RIMS2: variants seen among roughly 807,000 people sequenced by gnomAD.
The protein encoded by RIMS2 is regulating synaptic membrane exocytosis protein 2.
In RIMS2, 59 loss-of-function variants were observed where a neutral mutation model predicts 174.4. The observed-to-expected ratio is 0.34, with a 90% CI of 0.27 to 0.42. The LOEUF is 0.42. Among genes scored for constraint, RIMS2 ranks in the 10% least tolerant of loss-of-function variants. The pLI, the probability that RIMS2 is intolerant of heterozygous loss-of-function variation, is 1.00. For synonymous variants in RIMS2, 606 were observed against 572.5 expected, an observed-to-expected ratio of 1.06 and a Z score of -0.84; for missense variants, 1,620 against 1,666.3, an observed-to-expected ratio of 0.97 and a Z score of 0.48.
chr8:104,099,756 C>T (rs1221022804), intron 19 of RIMS2, among the ~76,000 whole-genome samples: 1 of 151,750 alleles, frequency 6.6e-6, no homozygotes, highest in African/African-American at 2.4e-5. Context: ...AATGTTGTTC[C>T]ATTTATTTTT....
At chr8:104,115,881 T>C (rs1047709316) in intron 19 of RIMS2, among the ~76,000 whole-genome samples, 1 of 152,172 alleles carries the variant, frequency 6.6e-6, no homozygotes, top group African/African-American at 2.4e-5. Context: ...TCAGAAACCC[T>C]AATTCTTATG....
At chr8:104,112,731 A>G (rs2098211673) in intron 19 of RIMS2, among the ~76,000 whole-genome samples, 1 of 152,162 alleles carries the variant, frequency 6.6e-6, no homozygotes, top group Non-Finnish European at 1.5e-5. Flanking sequence ...GGTTCATGGG[A>G]GCAAAGTCTT....
At chr8:103,745,535 A>G (rs773726653) in intron 2 of RIMS2, among the ~76,000 whole-genome samples, 2 of 152,178 alleles carry the variant, frequency 1.3e-5, no homozygotes, top group Non-Finnish European at 2.9e-5. Flanking sequence ...TTTTTGAGGA[A>G]CTACCAAGTT....
At chr8:103,917,989 A>T in intron 8 of RIMS2, among the ~76,000 whole-genome samples, 1 of 152,318 alleles carries the variant, frequency 6.6e-6, no homozygotes, top group Admixed American at 6.5e-5. Flanking sequence ...AATAAATAAA[A>T]TAAAATGAGT....
chr8:104,175,317 A>T (rs1013423526), intron 19 of RIMS2, among the ~76,000 whole-genome samples: 2 of 151,440 alleles, frequency 1.3e-5, no homozygotes, highest in African/African-American at 4.9e-5. Flanking sequence ...TTTTGTGTAT[A>T]TATTTTTATT....
At chr8:103,626,953 C>A (rs2095801290) in intron 1 of RIMS2, among the ~76,000 whole-genome samples, 1 of 152,162 alleles carries the variant, frequency 6.6e-6, no homozygotes, top group South Asian at 2.1e-4. Flanking sequence ...CATGCATTGT[C>A]TTGATAAACA....
chr8:104,172,391 TG>T (rs749617317), intron 19 of RIMS2, among the ~76,000 whole-genome samples: 1 of 152,208 alleles, frequency 6.6e-6, no homozygotes, highest in African/African-American at 2.4e-5. Context: ...GCTCTAGTTT[TG>T]GGGCTGGCAA....
chr8:103,616,586 A>T (rs967558951), intron 1 of RIMS2, among the ~76,000 whole-genome samples: 3 of 152,082 alleles, frequency 2.0e-5, no homozygotes. Context: ...AACTATCTCT[A>T]TTTGCAGACA....
At chr8:103,510,161 G>A (rs1284139744) in intron 1 of RIMS2, among the ~76,000 whole-genome samples, 1 of 152,086 alleles carries the variant, frequency 6.6e-6, no homozygotes, top group Admixed American at 6.6e-5. Flanking sequence ...CTTCTGGGAG[G>A]CTAAAACTAG....
chr8:103,524,401 T>A (rs774371280), intron 1 of RIMS2, among the ~76,000 whole-genome samples: 1 of 152,042 alleles, frequency 6.6e-6, no homozygotes, highest in African/African-American at 2.4e-5. Context: ...GTTGTGTGAT[T>A]AAGAAAACAA....
intron 19 of RIMS2, among the ~76,000 whole-genome samples, chr8:104,023,204 A>G (rs2096153742): frequency 6.6e-6 from 1 of 152,200 alleles, no homozygotes; most frequent in Non-Finnish European, 1.5e-5. Flanking sequence ...GGGGTGACTC[A>G]TATATGAACT....
In RIMS2 at chr8:103,688,439, T is replaced by C. The variant is rs919506395; in HGVS notation, c.177-8647T>C. Among the ~76,000 whole-genome samples the C allele has an allele frequency of 2.0e-5, 3 of 152,076 alleles. No individual in the cohort carries two copies. The South Asian group carries it at 6.2e-4, about 32-fold the overall frequency. ...TGAACTATCTTTGCATTCTGAACTA[T>C]CAAGGAATCCAACTTGATCATGGTG... is the stretch of plus-strand genomic sequence containing the variant. On this transcript the variant is annotated intron_variant, in intron 1 of 23. Transcript: ENST00000504942.
chr8:103,982,120 G>A lies in RIMS2; in HGVS notation c.2927+6614G>A, dbSNP rs183425225. ...TCAAAGGATAATTAGTGGCTGCTGT[G>A]AGCAACTATATGCCAATAAATTGGA... is the stretch of plus-strand genomic sequence containing the variant. On this transcript the variant is annotated intron_variant, in intron 16 of 23. Coordinates refer to ENST00000504942, the Ensembl canonical transcript of RIMS2. Among the ~76,000 whole-genome samples, 461 of 152,138 alleles carry A rather than the reference G, an allele frequency of 3.0e-3. 2 individuals carry two copies. The highest frequency in any genetic ancestry group is 4.4e-3 in the Non-Finnish European group (302 of 68,008).
At chr8:104,214,699 T>A (rs1444184462) in intron 19 of RIMS2, among the ~76,000 whole-genome samples, 1 of 152,194 alleles carries the variant, frequency 6.6e-6, no homozygotes, top group Non-Finnish European at 1.5e-5. Context: ...CTGCCCATCT[T>A]GGCCTCCCAA....
intron 19 of RIMS2, among the ~76,000 whole-genome samples, chr8:104,075,847 C>A (rs1163142875): frequency 6.6e-6 from 1 of 152,162 alleles, no homozygotes; most frequent in Non-Finnish European, 1.5e-5. Flanking sequence ...ATACTGCCGC[C>A]TACTATACTC....
At chr8:103,582,605 C>T (rs1190846752) in intron 1 of RIMS2, among the ~76,000 whole-genome samples, 3 of 152,150 alleles carry the variant, frequency 2.0e-5, no homozygotes, top group Non-Finnish European at 4.4e-5. Context: ...AATAAGCTGA[C>T]TTAAGAAACC....
intron 19 of RIMS2, among the ~76,000 whole-genome samples, chr8:104,137,332 T>C (rs2098529453): frequency 6.6e-6 from 1 of 152,212 alleles, no homozygotes; most frequent in South Asian, 2.1e-4. Context: ...GACATTGTGC[T>C]AATTGCTATA....
At position 103,545,795 on chromosome 8, in the gene RIMS2, G is replaced by T. The variant is rs199958136; in HGVS notation, c.176+44733G>T. The stretch of plus-strand genomic sequence containing the variant: ...CAAACTAAGCTTCATAAATGAAGGA[G>T]AAATAAGATCGATCCTTTTTTAACA... On this transcript the variant is annotated intron_variant, in intron 1 of 23. Transcript: ENST00000504942. Among the ~76,000 whole-genome samples the T allele has an allele frequency of 2.5e-3, 313 of 124,414 alleles. 9 individuals carry two copies. The East Asian group carries it at 0.056, about 22-fold the overall frequency. The allele number at this position is 124,414 out of a possible 152,430, so 81.6% of individuals were successfully genotyped here.
chr8:103,738,987 T>C (rs2097724046), intron 2 of RIMS2, among the ~76,000 whole-genome samples: 1 of 152,212 alleles, frequency 6.6e-6, no homozygotes, highest in South Asian at 2.1e-4. Context: ...CTCAAGGATC[T>C]AGAACTAGAA....
Sources: allele counts gnomAD v4.1 joint callset (sites outside exome capture counted in the v4.1 genomes callset), GRCh38; gene constraint gnomAD v4.1.1; transcripts MANE v1.5; gene names NCBI Gene and HGNC (gene_info 2026-07-23, HGNC 2026-07-21).